The following SLC5A12 variants were observed in gnomAD, a reference collection of about 807,000 sequenced individuals.
SLC5A12 encodes sodium-coupled monocarboxylate transporter 2.
In SLC5A12, 46 loss-of-function variants were observed where a neutral mutation model predicts 72.7. The observed-to-expected ratio is 0.63, with a 90% CI of 0.50 to 0.81. The LOEUF is 0.81. Among genes scored for constraint, SLC5A12 ranks in the 30% least tolerant of loss-of-function variants. The pLI is 0.00. For synonymous variants in SLC5A12, 275 were observed against 264.4 expected (o/e 1.04, Z -0.39); for missense variants, 683 against 740.7 (o/e 0.92, Z 0.90).
Position 26,712,697 on chromosome 11 carries a change from G to A in SLC5A12, c.349C>T (p.Leu117=). 2 of 1,587,830 alleles carry A rather than the reference G, an allele frequency of 1.3e-6. No homozygotes were observed. Among genetic ancestry groups the A allele is most frequent in the Non-Finnish European group, 8.6e-7 (1 of 1,160,692 alleles). Residue 117 remains leucine, a synonymous_variant, in exon 2 of 15, where the codon CTA becomes TTA. Transcript: ENST00000396005. ...GITSTYEYLQ[L]RFNKPVRYAA... is the part of the protein sequence containing the mutation. ...TAGCGAACTGGTTTGTTGAATCGTA[G>A]TTGTAAGTACTAAAGGAAACAGAAA... is the stretch of plus-strand genomic sequence containing the variant.
chr11:26,723,015 G>T (rs534383966), upstream of SLC5A12, among the ~76,000 whole-genome samples: 20 of 151,324 alleles, frequency 1.3e-4, no homozygotes, highest in Admixed American at 2.6e-4. Flanking sequence ...CCGGCTACAG[G>T]AGTCTGTCAG....
Position 26,711,327 on chromosome 11 carries a change from G to T in SLC5A12, c.437C>A (p.Pro146His). 2 of 1,611,940 alleles carry T rather than the reference G, an allele frequency of 1.2e-6. No individual in the cohort carries two copies. The highest frequency in any genetic ancestry group is 1.7e-6 in the Non-Finnish European group (2 of 1,178,636). ...ILYTGVVVYA[P>H]ALALNQVTGF... The stretch of plus-strand genomic sequence containing the variant: ...CTCACCTTGATTGAGTGCCAGGGCA[G>T]GAGCATACACCACCACTCCTGTGTA... Residue 146 changes from proline (P) to histidine (H), a missense_variant, in exon 3 of 15, where the codon CCT (proline) becomes CAT (histidine). Pro to His is a moderately conservative substitution (Grantham distance 77, BLOSUM62 -2). Transcript: ENST00000396005.
intron 14 of SLC5A12, among the ~76,000 whole-genome samples, chr11:26,672,951 T>C (rs1011430858): frequency 1.3e-5 from 2 of 152,096 alleles, no homozygotes; most frequent in Admixed American, 1.3e-4. Flanking sequence ...CCCTTACTCA[T>C]CCAGTTTTTA....
chr11:26,710,327 T>A (rs972407508), intron 3 of SLC5A12, among the ~76,000 whole-genome samples: 3 of 152,158 alleles, frequency 2.0e-5, no homozygotes, highest in Non-Finnish European at 4.4e-5. Context: ...AATAAACATA[T>A]GTGTGCATGT....
upstream of SLC5A12, among the ~76,000 whole-genome samples, chr11:26,722,335 C>T (rs1185283227): frequency 6.6e-6 from 1 of 152,176 alleles, no homozygotes; most frequent in African/African-American, 2.4e-5. Context: ...AGTCCTGGCT[C>T]AACCACGAGA....
chr11:26,675,862 G>A (rs1854252629), intron 13 of SLC5A12, among the ~76,000 whole-genome samples: 1 of 151,986 alleles, frequency 6.6e-6, no homozygotes, highest in African/African-American at 2.4e-5. Context: ...GAGTGGAAAG[G>A]GCATAAAATT....
chr11:26,691,334 A>G lies in SLC5A12; in HGVS notation c.1153+1155T>C, dbSNP rs568858820. The stretch of plus-strand genomic sequence containing the variant: ...TGCCACACATACTTATTGATTCACT[A>G]CTAGAACCATATTTCATAATATGTA... On this transcript the variant is annotated intron_variant, in intron 9 of 14. Coordinates refer to ENST00000396005, the MANE Select transcript of SLC5A12 (RefSeq NM_178498.4). Among the ~76,000 whole-genome samples, 25 of 152,268 alleles carry G rather than the reference A, an allele frequency of 1.6e-4. 1 individual carries two copies. In the South Asian group the frequency reaches 3.5e-3, roughly 21 times the overall value.
intron 11 of SLC5A12, 71 bp from the exon 12 acceptor site, chr11:26,681,292 A>ACCAC: frequency 1.6e-6 from 2 of 1,230,286 alleles, no homozygotes; most frequent in African/African-American, 1.5e-5. Flanking sequence ...TGAGATGAGG[A>ACCAC]GTTCTATGCC....
chr11:26,716,197 C>T (rs1292871911), intron 1 of SLC5A12: 2 of 152,226 alleles, frequency 1.3e-5, no homozygotes, highest in East Asian at 1.9e-4. Context: ...CAATGGTTTT[C>T]GCATTTCAGT....
At chr11:26,707,143 G>A (rs1855108763) in intron 4 of SLC5A12, among the ~76,000 whole-genome samples, 1 of 151,826 alleles carries the variant, frequency 6.6e-6, no homozygotes, top group Non-Finnish European at 1.5e-5. Flanking sequence ...TTTCCTCAAT[G>A]CTTTGAATGT....
rs769183888 is a variant in SLC5A12 at position 26,671,128 on chromosome 11, T to C, written c.1831A>G (p.Met611Val). 5 of 1,612,254 alleles carry C rather than the reference T, an allele frequency of 3.1e-6. No individual in the cohort carries two copies. The highest frequency in any genetic ancestry group is 4.2e-6 in the Non-Finnish European group (5 of 1,179,094). ...YDPKDKSYNN[M>V]AFETTHF ...TAGAAATGGGTAGTCTCAAATGCCATATTGTTGTAGCTTTTGTCCTTAGGA... is the reference window on the plus strand; with the variant it reads ...TAGAAATGGGTAGTCTCAAATGCCACATTGTTGTAGCTTTTGTCCTTAGGA... The change falls in exon 15 of 15, where the codon ATG becomes GTG. Residue 611 changes from methionine to valine, a missense_variant. Coordinates refer to ENST00000396005, the MANE Select transcript of SLC5A12 (RefSeq NM_178498.4).
chr11:26,698,216 C>G (rs1322902148), intron 7 of SLC5A12, among the ~76,000 whole-genome samples, 190 bp downstream of exon 7: 1 of 152,006 alleles, frequency 6.6e-6, no homozygotes, highest in Non-Finnish European at 1.5e-5. Flanking sequence ...CTCTTTTTTA[C>G]ATGCTCATTC....
chr11:26,708,606 C>A (rs1011062421), intron 4 of SLC5A12, among the ~76,000 whole-genome samples: 2 of 151,868 alleles, frequency 1.3e-5, no homozygotes, highest in African/African-American at 4.8e-5. Flanking sequence ...GTCTGGGAAC[C>A]ACTACCATAT....
At chr11:26,680,339 G>GTATATATATTCATATATATATT (rs1854372118) in intron 12 of SLC5A12, among the ~76,000 whole-genome samples, 1 of 129,164 alleles carries the variant, frequency 7.7e-6, no homozygotes, top group Non-Finnish European at 1.6e-5. Flanking sequence ...ATATATATAT[G>GTATATATATTCATATATATATT]TATATATATT....
chr11:26,713,033 C>G (rs1320956018), intron 1 of SLC5A12, among the ~76,000 whole-genome samples: 1 of 152,068 alleles, frequency 6.6e-6, no homozygotes, highest in South Asian at 2.1e-4. Context: ...ATCTTTGCTG[C>G]TCCAAATTTA....
rs1854104807 is a variant in SLC5A12 at position 26,670,136 on chromosome 11, G to T, written c.*966C>A. The T allele has an allele frequency of 6.6e-6, 1 of 152,136 alleles. No homozygotes were observed. The highest frequency in any genetic ancestry group is 1.5e-5 in the Non-Finnish European group (1 of 68,028). 9.4% of individuals were successfully genotyped at this position (152,136 alleles called of 1,614,324 possible). A position where few individuals can be genotyped will look rare whatever the true frequency, so the allele number is the denominator to read the frequency against. ...ACCTAACCCAGGTGGAGTGAGTTGA[G>T]CTTGCTCACATGAGTTGAATGAGCA... On this transcript the variant is annotated 3_prime_UTR_variant, in exon 15 of 15. Transcript: ENST00000396005.
rs1306742703 is a variant in SLC5A12, at chr11:26,721,459, TGAA to T, written c.253_255del (p.Phe85del). On this transcript the variant is annotated inframe_deletion, in exon 1 of 15. Coordinates refer to ENST00000396005, the MANE Select transcript of SLC5A12 (RefSeq NM_178498.4). The stretch of plus-strand genomic sequence containing the variant: ...AAGAGGATGACAAATAGGTAAGCAA[TGAA>T]GAAGACTAGGAAGGATGCCCCAAAG... The T allele has an allele frequency of 1.2e-6, 2 of 1,614,026 alleles. No individual in the cohort carries two copies. The highest frequency in any genetic ancestry group is 1.7e-6 in the Non-Finnish European group (2 of 1,180,014).
chr11:26,698,055 G>A (rs535524973), intron 7 of SLC5A12, among the ~76,000 whole-genome samples: 2 of 152,032 alleles, frequency 1.3e-5, no homozygotes, highest in East Asian at 3.9e-4. Context: ...CCGCCACCTT[G>A]CCTGGCTAAT....
chr11:26,684,807 C>G (rs1011129830), intron 10 of SLC5A12, among the ~76,000 whole-genome samples: 2 of 152,310 alleles, frequency 1.3e-5, no homozygotes, highest in African/African-American at 4.8e-5. Flanking sequence ...TGACTCAAAT[C>G]ACCAGTTGGA....
Sources: gnomAD v4.1 joint callset for allele counts (sites outside exome capture counted in the v4.1 genomes callset) on GRCh38, gnomAD v4.1.1 for gene constraint, MANE v1.5 for transcripts, NCBI Gene and HGNC (gene_info 2026-07-23, HGNC 2026-07-21) for gene names.